The following PYGB variants were observed in gnomAD, a reference collection of about 807,000 sequenced individuals.
PYGB encodes the protein glycogen phosphorylase B.
In PYGB, 82 loss-of-function variants were observed where a neutral mutation model predicts 94.3. The ratio of observed to expected loss-of-function variants is 0.87; its 90% CI spans 0.73 to 1.04. The LOEUF (loss-of-function observed/expected upper bound fraction) is 1.04. PYGB is among the 50% of genes least tolerant of loss of function. The pLI is 0.00. For missense variants in PYGB, 1,132 were observed against 1,158.2 expected (o/e 0.98, Z 0.33); for synonymous variants, 488 against 479.1 (o/e 1.02, Z -0.24).
chr20:25,277,767 T>C (rs888487733), intron 7 of PYGB, among the ~76,000 whole-genome samples: 1 of 152,266 alleles, frequency 6.6e-6, no homozygotes, highest in African/African-American at 2.4e-5. Flanking sequence ...TGAAAGGTCC[T>C]TGGCACATGC....
chr20:25,282,057 G>A lies in PYGB; in HGVS notation c.1428G>A (p.Glu476=), dbSNP rs2088372413. 2.5e-6 allele frequency: 4 copies of A among 1,613,890 alleles called. No homozygotes were observed. The highest frequency in any genetic ancestry group is 2.2e-5 in the East Asian group (1 of 44,872). ...GCTTTAAGGATTTTTATGAACTGGA[G>A]CCAGAGAAGTTCCAGAATAAGACCA... ...QSVFKDFYEL[E]PEKFQNKTNG... The change falls in exon 12 of 20, where the codon GAG becomes GAA. Residue 476 remains glutamate, a synonymous_variant. Coordinates refer to ENST00000216962, the MANE Select transcript of PYGB (RefSeq NM_002862.4).
chr20:25,269,089 T>C (rs1191620180), intron 2 of PYGB, 40 bp from the exon 3 acceptor site: 5 of 1,487,766 alleles, frequency 3.4e-6, no homozygotes, highest in African/African-American at 1.4e-5. Context: ...AGGGAAAATA[T>C]TGAGTAACAT....
intron 2 of PYGB, among the ~76,000 whole-genome samples, chr20:25,265,621 GT>G (rs2088211124): frequency 1.4e-5 from 2 of 139,554 alleles, no homozygotes; most frequent in Non-Finnish European, 3.0e-5. Flanking sequence ...TTGAAATGGA[GT>G]CTTGCTCTGT....
chr20:25,274,747 G>A (rs1389740120), intron 5 of PYGB, 24 bp downstream of exon 5: 23 of 1,606,786 alleles, frequency 1.4e-5, no homozygotes, highest in Non-Finnish European at 1.9e-5. Flanking sequence ...AATGTCTGCG[G>A]GCAAGGCTGG....
At chr20:25,277,704 C>T (rs1319639795) in intron 7 of PYGB, among the ~76,000 whole-genome samples, 2 of 152,262 alleles carry the variant, frequency 1.3e-5, no homozygotes, top group Admixed American at 1.3e-4. Flanking sequence ...AGCAGGTGAT[C>T]TGTCTGTCCA....
chr20:25,279,098 C>T lies in PYGB; in HGVS notation c.1041C>T (p.Ile347=), dbSNP rs1449139474. Residue 347 remains isoleucine, a synonymous_variant, in exon 9 of 20, where the codon ATC becomes ATT. Transcript: ENST00000216962. ...ACGACACCCACCCCGCCCTCTCCAT[C>T]CCTGAGCTCATGCGGATCCTGGTGG... ...QLNDTHPALS[I]PELMRILVDV... is the part of the protein sequence containing the mutation. The T allele has an allele frequency of 1.2e-6, 2 of 1,613,966 alleles. No homozygotes were observed. The highest frequency in any genetic ancestry group is 2.2e-5 in the South Asian group (2 of 91,068).
At chr20:25,265,448 G>C (rs1208009600) in intron 2 of PYGB, among the ~76,000 whole-genome samples, 1 of 152,146 alleles carries the variant, frequency 6.6e-6, no homozygotes, top group Admixed American at 6.5e-5. Flanking sequence ...GTATGTTATA[G>C]TTTTTATTTG....
At chr20:25,263,264 G>T (rs1316983527) in intron 2 of PYGB, among the ~76,000 whole-genome samples, 1 of 152,180 alleles carries the variant, frequency 6.6e-6, no homozygotes, top group Non-Finnish European at 1.5e-5. Flanking sequence ...ATAACAAACT[G>T]TCTCTCAGAC....
At chr20:25,274,198 C>T (rs1259393908) in intron 4 of PYGB, among the ~76,000 whole-genome samples, 1 of 152,240 alleles carries the variant, frequency 6.6e-6, no homozygotes, top group Admixed American at 6.5e-5. Context: ...GACAGCCTCT[C>T]ACCCGCTTTC....
chr20:25,283,825 C>T (rs1310223569), intron 13 of PYGB, among the ~76,000 whole-genome samples: 1 of 152,158 alleles, frequency 6.6e-6, no homozygotes, highest in Non-Finnish European at 1.5e-5. Flanking sequence ...GCCGCCTGCA[C>T]GCCTGGCTCT....
intron 5 of PYGB, 26 bp downstream of exon 5, chr20:25,274,749 C>A: frequency 6.2e-7 from 1 of 1,605,920 alleles, no homozygotes; most frequent in Non-Finnish European, 8.5e-7. Context: ...TGTCTGCGGG[C>A]AAGGCTGGAG....
chr20:25,260,545 C>G (rs2092911071), intron 2 of PYGB, among the ~76,000 whole-genome samples: 1 of 152,250 alleles, frequency 6.6e-6, no homozygotes, highest in African/African-American at 2.4e-5. Context: ...CAGTCTACAG[C>G]TCTCAGCGTG....
intron 5 of PYGB, among the ~76,000 whole-genome samples, chr20:25,275,250 C>A (rs2088300756): frequency 6.6e-6 from 1 of 152,238 alleles, no homozygotes; most frequent in Non-Finnish European, 1.5e-5. Context: ...GGGGCCAGGC[C>A]CTCCTGCCCA....
rs373405597 is a variant in PYGB at position 25,296,093 on chromosome 20, TC to T, written c.2380-274del. Among the ~76,000 whole-genome samples the T allele has an allele frequency of 1.1e-3, 175 of 152,202 alleles. 1 individual carries two copies. The highest frequency in any genetic ancestry group is 4.0e-3 in the African/African-American group (167 of 41,524). On this transcript the variant is annotated intron_variant, in intron 19 of 19. Transcript: ENST00000216962. ...CCTGGGCAGTTCTTACCTGGTGCTA[TC>T]CCTATCGTCGTCCTGGGGGCCATGC...
At chr20:25,292,918 G>A (rs115643111) in intron 17 of PYGB, among the ~76,000 whole-genome samples, 1,890 of 152,040 alleles carry the variant, frequency 0.012, 41 homozygotes, top group African/African-American at 0.04. Context: ...CCCCTGGGGA[G>A]GGTCTCCTAG....
chr20:25,249,055 A>G (rs1568679829), intron 1 of PYGB, among the ~76,000 whole-genome samples: 2 of 152,250 alleles, frequency 1.3e-5, no homozygotes, highest in Non-Finnish European at 2.9e-5. Context: ...TGAAGTTGAC[A>G]GAGATCATCT....
intron 18 of PYGB, 152 bp downstream of exon 18, chr20:25,294,444 G>C: frequency 9.5e-7 from 1 of 1,057,374 alleles, no homozygotes; most frequent in African/African-American, 1.6e-5. Flanking sequence ...ACTGGGCAGA[G>C]CCTTAGACCC....
Position 25,248,144 on chromosome 20 carries a change from T to C in PYGB, c.-35T>C, listed in dbSNP as rs746830354. ...GCGTTCGCGTGTGCCGCCGCTTTCC[T>C]CCTCCATCTCTTTTCCTCCGCCTCC... is the stretch of plus-strand genomic sequence containing the variant. On this transcript the variant is annotated 5_prime_UTR_variant, in exon 1 of 20. Transcript: ENST00000216962. 1 of 1,551,084 alleles carries C rather than the reference T, an allele frequency of 6.4e-7. No individual in the cohort carries two copies. The highest frequency in any genetic ancestry group is 8.7e-7 in the Non-Finnish European group (1 of 1,150,394).
At chr20:25,281,953 T>C in intron 11 of PYGB, 80 bp from the exon 12 acceptor site, 1 of 1,276,990 alleles carries the variant, frequency 7.8e-7, no homozygotes, top group South Asian at 1.2e-5. Context: ...TGGGACCTCC[T>C]TAAAAGGACT....
Sources: allele counts gnomAD v4.1 joint callset (sites outside exome capture counted in the v4.1 genomes callset), GRCh38; gene constraint gnomAD v4.1.1; transcripts MANE v1.5; gene names NCBI Gene and HGNC (gene_info 2026-07-23, HGNC 2026-07-21).